ZZZ3: variants seen among roughly 807,000 people sequenced by gnomAD.
ZZZ3 encodes ZZ-type zinc finger-containing protein 3.
Under a neutral mutation model 95.2 loss-of-function variants are expected in ZZZ3, and 22 were observed. That is an observed-to-expected ratio of 0.23 (90% CI 0.17 to 0.33). The LOEUF (loss-of-function observed/expected upper bound fraction) is 0.33. ZZZ3 is among the 10% of genes least tolerant of loss of function. The probability of loss-of-function intolerance (pLI) is 1.00; values close to 1 mark genes in which losing one functional copy is unlikely to be tolerated. For missense variants in ZZZ3, 885 were observed against 1,066.5 expected, an observed-to-expected ratio of 0.83 and a Z score of 2.37; for synonymous variants, 335 against 358.9, an observed-to-expected ratio of 0.93 and a Z score of 0.75.
intron 1 of ZZZ3, among the ~76,000 whole-genome samples, chr1:77,678,745 C>A (rs555634051): frequency 4.5e-4 from 68 of 152,296 alleles, no homozygotes; most frequent in African/African-American, 1.6e-3. Context: ...TATCTGTGGA[C>A]TAATTCCAAT....
At chr1:77,622,430 T>C (rs1004308913) in intron 5 of ZZZ3, among the ~76,000 whole-genome samples, 3 of 138,672 alleles carry the variant, frequency 2.2e-5, no homozygotes, top group Non-Finnish European at 4.7e-5. Context: ...AAAATTAAAG[T>C]ACAAGGAAAA....
chr1:77,667,632 G>A (rs1474602816), intron 1 of ZZZ3, among the ~76,000 whole-genome samples: 1 of 151,842 alleles, frequency 6.6e-6, no homozygotes, highest in African/African-American at 2.4e-5. Flanking sequence ...CATAGATTGT[G>A]AATGCTCTAT....
Position 77,568,467 on chromosome 1 carries a change from CT to C in ZZZ3, c.2332-2del. On this transcript the variant is annotated splice_acceptor_variant, in intron 12 of 14. Transcript: ENST00000370801. LOFTEE classifies it high-confidence loss of function. ...ACATGATAGGAATACTTTCGTCATC[CT>C]ATCAAAAAAAAAAAAAAAAAAAAAT... 3 of 861,840 alleles carry C rather than the reference CT, an allele frequency of 3.5e-6. No homozygotes were observed. Among genetic ancestry groups the C allele is most frequent in the South Asian group, 5.7e-5 (2 of 35,046 alleles). The allele number at this position is 861,840 out of a possible 1,614,324, so 53.4% of individuals were successfully genotyped here.
intron 5 of ZZZ3, among the ~76,000 whole-genome samples, chr1:77,600,125 A>G (rs1327395329): frequency 2.7e-5 from 2 of 75,060 alleles, no homozygotes; most frequent in East Asian, 8.5e-4. Flanking sequence ...TCCCTATAAG[A>G]CTTAAAAAAA....
Position 77,639,532 on chromosome 1 carries a change from G to C in ZZZ3, c.-135C>G. The C allele has an allele frequency of 3.0e-6, 4 of 1,347,652 alleles. No homozygotes were observed. Among genetic ancestry groups the C allele is most frequent in the Non-Finnish European group, 3.9e-6 (4 of 1,014,956 alleles). 83.5% of individuals were successfully genotyped at this position (1,347,652 alleles called of 1,614,324 possible). On this transcript the variant is annotated 5_prime_UTR_variant, in exon 4 of 15. Coordinates refer to ENST00000370801, the MANE Select transcript of ZZZ3 (RefSeq NM_015534.6). ...GGAGTTGGAGCTATGATCTAGAATG[G>C]AGCTTAAGCATCAGGGTTTCAGACT...
chr1:77,621,516 T>TA (rs568033576), intron 5 of ZZZ3, among the ~76,000 whole-genome samples: 1,649 of 123,042 alleles, frequency 0.013, 10 homozygotes, highest in Middle Eastern at 0.032. Context: ...AAATTTAAGT[T>TA]AAAAAAAAAA....
chr1:77,598,019 C>G (rs1288892752), intron 5 of ZZZ3, among the ~76,000 whole-genome samples: 1 of 152,040 alleles, frequency 6.6e-6, no homozygotes, highest in Non-Finnish European at 1.5e-5. Flanking sequence ...TAAAACCATG[C>G]TTTTTTAAAA....
At position 77,632,442 on chromosome 1, in the gene ZZZ3, A is replaced by G. The variant is rs1667893552; in HGVS notation, c.913T>C (p.Ser305Pro). ...LTTEPATGPF[S>P]ETQSSLRDSE... ...TCCCTTAAAGATGACTGAGTTTCAG[A>G]AAAGGGCCCTGTAGCTGGCTCAGTA... is the stretch of plus-strand genomic sequence containing the variant. Residue 305 changes from serine (S) to proline (P), a missense_variant, in exon 5 of 15, where the codon TCT becomes CCT. By Grantham distance (74) the Ser-to-Pro change is moderately conservative (BLOSUM62 -1). Coordinates refer to ENST00000370801, the MANE Select transcript of ZZZ3 (RefSeq NM_015534.6). 1 of 1,614,124 alleles carries G rather than the reference A, an allele frequency of 6.2e-7. No homozygotes were observed. Among genetic ancestry groups the G allele is most frequent in the South Asian group, 1.1e-5 (1 of 91,076 alleles).
intron 5 of ZZZ3, chr1:77,615,022 T>C (rs1429122780): frequency 2.6e-5 from 4 of 152,222 alleles, no homozygotes; most frequent in Non-Finnish European, 2.9e-5. Flanking sequence ...GACACAGTGG[T>C]GGCAGCAAGA....
At chr1:77,672,744 T>C (rs1363016667) in intron 1 of ZZZ3, among the ~76,000 whole-genome samples, 3 of 152,216 alleles carry the variant, frequency 2.0e-5, no homozygotes, top group Non-Finnish European at 4.4e-5. Flanking sequence ...TGTGCTTGGC[T>C]TAGGTCAAAG....
intron 1 of ZZZ3, among the ~76,000 whole-genome samples, chr1:77,663,880 G>A (rs1435696491): frequency 4.0e-5 from 6 of 151,868 alleles, no homozygotes; most frequent in Admixed American, 3.3e-4. Flanking sequence ...CTCCTGAGTA[G>A]CTGGGATTAC....
chr1:77,639,548 G>T lies in ZZZ3; in HGVS notation c.-151C>A, dbSNP rs570538631. 56 of 1,163,794 alleles carry T rather than the reference G, an allele frequency of 4.8e-5. 2 individuals are homozygous for T. In the South Asian group the frequency reaches 5.0e-4, roughly 10 times the overall value. 72.1% of individuals were successfully genotyped at this position (1,163,794 alleles called of 1,614,324 possible). A position where few individuals can be genotyped will look rare whatever the true frequency, so the allele number is the denominator to read the frequency against. ...TCTAGAATGGAGCTTAAGCATCAGG[G>T]TTTCAGACTCTCTCAGCTTCAGCCA... On this transcript the variant is annotated 5_prime_UTR_variant, in exon 4 of 15. Coordinates refer to ENST00000370801, the MANE Select transcript of ZZZ3 (RefSeq NM_015534.6).
chr1:77,649,912 A>C (rs769754245), intron 1 of ZZZ3, among the ~76,000 whole-genome samples: 12 of 152,318 alleles, frequency 7.9e-5, no homozygotes, highest in Admixed American at 2.0e-4. Context: ...TTTTAAACAT[A>C]AATAACTGAC....
chr1:77,672,980 C>T (rs904258884), intron 1 of ZZZ3, among the ~76,000 whole-genome samples: 1 of 152,126 alleles, frequency 6.6e-6, no homozygotes, highest in Non-Finnish European at 1.5e-5. Flanking sequence ...CATTTAATTT[C>T]CACAAAAGCT....
intron 5 of ZZZ3, among the ~76,000 whole-genome samples, chr1:77,587,683 A>C (rs1264243809): frequency 6.6e-6 from 1 of 152,180 alleles, no homozygotes; most frequent in Admixed American, 6.5e-5. Context: ...ATAAATAGAC[A>C]AGATGGATGA....
At chr1:77,616,425 C>A (rs1185292984) in intron 5 of ZZZ3, among the ~76,000 whole-genome samples, 2 of 152,148 alleles carry the variant, frequency 1.3e-5, no homozygotes, top group African/African-American at 4.8e-5. Context: ...GATTCTGTAA[C>A]CTATATACTT....
intron 11 of ZZZ3, among the ~76,000 whole-genome samples, chr1:77,577,865 C>T (rs1208090568): frequency 1.3e-5 from 2 of 152,210 alleles, no homozygotes; most frequent in East Asian, 3.9e-4. Flanking sequence ...GTGATCCACC[C>T]GCCTCGGCCT....
At chr1:77,666,636 T>C (rs1671275867) in intron 1 of ZZZ3, among the ~76,000 whole-genome samples, 1 of 152,204 alleles carries the variant, frequency 6.6e-6, no homozygotes, top group Non-Finnish European at 1.5e-5. Flanking sequence ...ATTCAGCAAG[T>C]ATTCACTGAC....
intron 5 of ZZZ3, among the ~76,000 whole-genome samples, chr1:77,615,410 G>A (rs996221521): frequency 4.6e-5 from 7 of 152,126 alleles, no homozygotes; most frequent in Non-Finnish European, 8.8e-5. Flanking sequence ...AAACAAACTT[G>A]GCATCTAGCT....
Sources: gnomAD v4.1 joint callset for allele counts (sites outside exome capture counted in the v4.1 genomes callset) on GRCh38, gnomAD v4.1.1 for gene constraint, MANE v1.5 for transcripts, NCBI Gene and HGNC (gene_info 2026-07-23, HGNC 2026-07-21) for gene names.